The following ZZEF1 variants were observed in gnomAD, a reference collection of about 807,000 sequenced individuals.
ZZEF1 encodes the protein zinc finger ZZ-type and EF-hand domain-containing protein 1.
In ZZEF1, 157 loss-of-function variants were observed where a neutral mutation model predicts 342.8. The ratio of observed to expected loss-of-function variants is 0.46; its 90% CI spans 0.40 to 0.52. ZZEF1 has a LOEUF of 0.52. ZZEF1 is among the 20% of genes least tolerant of loss of function. ZZEF1 has a pLI of 0.00. For synonymous variants in ZZEF1, 1,505 were observed against 1,429.1 expected, an observed-to-expected ratio of 1.05 and a Z score of -1.20; for missense variants, 3,480 against 3,725.6, an observed-to-expected ratio of 0.93 and a Z score of 1.72.
At chr17:4,123,268 C>CACAT (rs2058514928) in intron 2 of ZZEF1, among the ~76,000 whole-genome samples, 1 of 85,340 alleles carries the variant, frequency 1.2e-5, no homozygotes, top group Non-Finnish European at 2.4e-5. Context: ...TTATCATAAC[C>CACAT]ATATATATAT....
intron 13 of ZZEF1, among the ~76,000 whole-genome samples, chr17:4,088,034 C>A (rs370195243): frequency 1.3e-5 from 2 of 152,104 alleles, no homozygotes; most frequent in African/African-American, 2.4e-5. Context: ...ATAACGAAGA[C>A]CAAACAAACC....
intron 1 of ZZEF1, among the ~76,000 whole-genome samples, chr17:4,135,732 C>T (rs2058737260): frequency 2.0e-5 from 3 of 152,116 alleles, no homozygotes; most frequent in South Asian, 2.1e-4. Flanking sequence ...ATCAGGTCCT[C>T]GGAGTTCCTG....
At chr17:4,030,169 A>T (rs896780088) in intron 42 of ZZEF1, among the ~76,000 whole-genome samples, 1 of 152,206 alleles carries the variant, frequency 6.6e-6, no homozygotes, top group African/African-American at 2.4e-5. Context: ...GAATGATACC[A>T]AAGTTGGTCC....
chr17:4,024,664 C>G (rs900923348), intron 43 of ZZEF1, among the ~76,000 whole-genome samples: 1 of 152,152 alleles, frequency 6.6e-6, no homozygotes, highest in Non-Finnish European at 1.5e-5. Context: ...TTTTTCTTCT[C>G]GTCTGACAAA....
chr17:4,027,584 T>A (rs1321528864), intron 42 of ZZEF1, among the ~76,000 whole-genome samples: 1 of 147,592 alleles, frequency 6.8e-6, no homozygotes, highest in African/African-American at 2.5e-5. Context: ...CATGAGCCAC[T>A]GTGCCCTGCC....
intron 39 of ZZEF1, among the ~76,000 whole-genome samples, chr17:4,039,667 A>G (rs1194421727): frequency 1.4e-5 from 2 of 139,842 alleles, no homozygotes; most frequent in Non-Finnish European, 3.1e-5. Flanking sequence ...TTTTTGAGAC[A>G]GAGTCTCACT....
intron 9 of ZZEF1, among the ~76,000 whole-genome samples, chr17:4,098,848 G>C (rs2058081481): frequency 6.6e-6 from 1 of 152,136 alleles, no homozygotes; most frequent in Admixed American, 6.5e-5. Context: ...CAATTCTATA[G>C]GCAATTTTAA....
chr17:4,132,333 G>A (rs886613221), intron 1 of ZZEF1, among the ~76,000 whole-genome samples: 10 of 151,904 alleles, frequency 6.6e-5, no homozygotes, highest in Non-Finnish European at 1.2e-4. Context: ...AAAGGCATGC[G>A]CCACCATACG....
intron 2 of ZZEF1, among the ~76,000 whole-genome samples, chr17:4,121,058 A>G (rs2058474783): frequency 2.0e-5 from 3 of 152,208 alleles, no homozygotes; most frequent in Non-Finnish European, 4.4e-5. Context: ...GTGCTGATGA[A>G]AAGTTTTGAG....
In ZZEF1 at chr17:4,017,382, C is replaced by G; in HGVS notation, c.7990G>C (p.Glu2664Gln). 1.3e-6 allele frequency: 2 copies of G among 1,596,590 alleles called. No homozygotes were observed. Among genetic ancestry groups the G allele is most frequent in the Non-Finnish European group, 1.7e-6 (2 of 1,167,904 alleles). ...DMFMQLEEKHEWEKILQKVLQ... is the reference protein window; with the variant it reads ...DMFMQLEEKHQWEKILQKVLQ... ...GTCTGCATAACTACCTTCTCCCACT[C>G]ATGCTTTTCTTCCAGCTGCATGAAC... is the stretch of plus-strand genomic sequence containing the variant. The change falls in exon 48 of 55, where the codon GAG becomes CAG. Residue 2664 changes from glutamate to glutamine, a missense_variant. Physicochemically the swap from Glu to Gln is conservative, Grantham distance 29. Around this residue, in one of 5 missense-constraint regions of ZZEF1, gnomAD observed 1,269 missense variants for 1,342.4 expected, o/e 0.95. Transcript: ENST00000381638. The surrounding 1 kb of genome is among the most constrained non-coding windows in gnomAD (Gnocchi z 5.1).
In ZZEF1 at chr17:4,076,650, C is replaced by A; in HGVS notation, c.3221G>T (p.Gly1074Val). ...GACTCGAGTTACCTTCCTCAGTCCT[C>A]CTTCGGGGCCACTACAGAGCTTCTT... ...LLKKLCSGPE[G>V]GLRKLDVETW... Residue 1074 changes from glycine (G) to valine (V), a missense_variant, in exon 21 of 55, where the codon GGA becomes GTA. By Grantham distance (109) the Gly-to-Val change is moderately radical. Coordinates refer to ENST00000381638, the MANE Select transcript of ZZEF1 (RefSeq NM_015113.4). The A allele has an allele frequency of 6.2e-7, 1 of 1,610,896 alleles. No homozygotes were observed. Among genetic ancestry groups the A allele is most frequent in the Non-Finnish European group, 8.5e-7 (1 of 1,178,084 alleles).
chr17:4,090,178 T>C, intron 12 of ZZEF1, among the ~76,000 whole-genome samples: 1 of 39,272 alleles, frequency 2.5e-5, no homozygotes, highest in African/African-American at 8.3e-5. Context: ...CTAAGGATGC[T>C]GTGTTCTCAA....
chr17:4,007,163 G>T (rs1426465253), intron 54 of ZZEF1, among the ~76,000 whole-genome samples, 193 bp from the exon 55 acceptor site: 1 of 152,214 alleles, frequency 6.6e-6, no homozygotes, highest in Non-Finnish European at 1.5e-5. Flanking sequence ...AGCTCCAAAT[G>T]TAGGTAGGAA....
intron 23 of ZZEF1, 47 bp from the exon 24 acceptor site, chr17:4,074,398 T>C (rs2145291596): frequency 2.5e-6 from 4 of 1,589,840 alleles, no homozygotes; most frequent in Non-Finnish European, 3.5e-6. Flanking sequence ...AGAGGAGGAG[T>C]GCTTCAGAAA....
At chr17:4,043,472 C>G (rs2056845896) in intron 38 of ZZEF1, among the ~76,000 whole-genome samples, 1 of 152,200 alleles carries the variant, frequency 6.6e-6, no homozygotes, top group South Asian at 2.1e-4. Flanking sequence ...CATCACAGAG[C>G]AGGAAGGTGG....
chr17:4,076,218 G>A (rs1436201220), intron 21 of ZZEF1: 1 of 142,098 alleles, frequency 7.0e-6, no homozygotes, highest in Non-Finnish European at 1.5e-5. Context: ...TGCAAGCTCC[G>A]CCTCCCGGGT....
Position 4,016,658 on chromosome 17 carries a change from G to A in ZZEF1, c.8002-192C>T, listed in dbSNP as rs2144954390. ...TTGACCAGGCTCTTGGTGTCAATCA[G>A]GACACTGCAGTCCTTTCAGAATGAT... On this transcript the variant is annotated intron_variant, in intron 48 of 54. Transcript: ENST00000381638. The surrounding 1 kb of genome is among the most constrained non-coding windows in gnomAD (Gnocchi z 4.4). The A allele has an allele frequency of 1.7e-6, 1 of 586,940 alleles. No individual in the cohort carries two copies. The highest frequency in any genetic ancestry group is 3.0e-6 in the Non-Finnish European group (1 of 335,848). The allele number at this position is 586,940 out of a possible 1,614,324, so 36.4% of individuals were successfully genotyped here. A position where few individuals can be genotyped will look rare whatever the true frequency, so the allele number is the denominator to read the frequency against.
chr17:4,058,262 CT>C (rs2057209991), intron 31 of ZZEF1, 107 bp from the exon 32 acceptor site: 1 of 1,197,036 alleles, frequency 8.4e-7, no homozygotes, highest in African/African-American at 1.5e-5. Context: ...CAGAAGGGAA[CT>C]TCACATTGCT....
intron 37 of ZZEF1, among the ~76,000 whole-genome samples, chr17:4,045,188 TC>T (rs1271923684): frequency 6.6e-6 from 1 of 151,886 alleles, no homozygotes; most frequent in African/African-American, 2.4e-5. Context: ...TTGCATCGCA[TC>T]CCCCATCTTC....
Sources: gnomAD v4.1 joint callset for allele counts (sites outside exome capture counted in the v4.1 genomes callset) on GRCh38, gnomAD v4.1.1 for gene constraint, gnomAD v4.1.1 regional missense constraint, Gnocchi (gnomAD v3.1) non-coding constraint, MANE v1.5 for transcripts, NCBI Gene and HGNC (gene_info 2026-07-23, HGNC 2026-07-21) for gene names.